LDLRAD4: variants seen among roughly 807,000 people sequenced by gnomAD.
The protein encoded by LDLRAD4 is low density lipoprotein receptor class A domain containing 4.
In LDLRAD4, 5 loss-of-function variants were observed where a neutral mutation model predicts 17.0. The observed-to-expected ratio is 0.29, with a 90% confidence interval of 0.15 to 0.62. The LOEUF is 0.62. LDLRAD4 is among the 20% of genes least tolerant of loss of function. The pLI is 0.84. For synonymous variants in LDLRAD4, 168 were observed against 171.8 expected, an observed-to-expected ratio of 0.98 and a Z score of 0.17; for missense variants, 340 against 424.7, an observed-to-expected ratio of 0.80 and a Z score of 1.75.
intron 2 of LDLRAD4, among the ~76,000 whole-genome samples, chr18:13,435,089 A>C (rs2090567393): frequency 6.6e-6 from 1 of 152,174 alleles, no homozygotes; most frequent in South Asian, 2.1e-4. Flanking sequence ...ATATCACAAT[A>C]ATCTCGTGAT....
At chr18:13,477,072 T>C (rs908622783) in intron 3 of LDLRAD4, among the ~76,000 whole-genome samples, 3 of 152,336 alleles carry the variant, frequency 2.0e-5, no homozygotes, top group Non-Finnish European at 2.9e-5. Context: ...ACTGAACTCA[T>C]GGTAATGAAT....
chr18:13,535,917 C>G (rs2094195346), intron 3 of LDLRAD4, among the ~76,000 whole-genome samples: 1 of 152,068 alleles, frequency 6.6e-6, no homozygotes, highest in Non-Finnish European at 1.5e-5. Flanking sequence ...CATCTTTTCC[C>G]CCATTGAATT....
At chr18:13,270,206 T>G (rs2043758041) in intron 1 of LDLRAD4, among the ~76,000 whole-genome samples, 1 of 151,764 alleles carries the variant, frequency 6.6e-6, no homozygotes, top group Non-Finnish European at 1.5e-5. Context: ...GTACAAAAAT[T>G]TTAAAAATTA....
At chr18:13,224,670 C>A (rs1034774552) in intron 1 of LDLRAD4, among the ~76,000 whole-genome samples, 1 of 151,368 alleles carries the variant, frequency 6.6e-6, no homozygotes, top group African/African-American at 2.4e-5. Context: ...TTAGTAGAGA[C>A]GGGGTTTCAG....
rs950257684 is a variant in LDLRAD4 at position 13,383,507 on chromosome 18, A to T, written c.-382-3834A>T. On this transcript the variant is annotated intron_variant, in intron 1 of 5. Transcript: ENST00000359446. ...GGCTGAGACTGGAAAGCTGAGTGGC[A>T]GCTCATGAGCAGGAGGCTCACGAGA... Among the ~76,000 whole-genome samples the T allele has an allele frequency of 3.9e-5, 6 of 152,228 alleles. No homozygotes were observed. The East Asian group carries it at 1.2e-3, about 29-fold the overall frequency.
At chr18:13,505,796 C>T (rs571651315) in intron 3 of LDLRAD4, among the ~76,000 whole-genome samples, 37 of 151,990 alleles carry the variant, frequency 2.4e-4, no homozygotes, top group Non-Finnish European at 1.0e-4. Flanking sequence ...CCAGTCTGGG[C>T]GACAGAGCAA....
chr18:13,543,514 G>A (rs2094315908), intron 3 of LDLRAD4: 1 of 152,204 alleles, frequency 6.6e-6, no homozygotes, highest in African/African-American at 2.4e-5. Flanking sequence ...TCCTGAAGGA[G>A]GTTTAACAAG....
chr18:13,543,857 G>C (rs1472711530), intron 3 of LDLRAD4, among the ~76,000 whole-genome samples: 1 of 152,254 alleles, frequency 6.6e-6, no homozygotes, highest in East Asian at 1.9e-4. Context: ...GGGGCTACCT[G>C]TTGAGCCCTA....
intron 1 of LDLRAD4, among the ~76,000 whole-genome samples, chr18:13,247,883 T>C (rs1658609134): frequency 6.6e-6 from 1 of 151,804 alleles, no homozygotes; most frequent in Admixed American, 6.6e-5. Context: ...AGTCATGATG[T>C]CCAGTTGAGA....
intron 3 of LDLRAD4, among the ~76,000 whole-genome samples, chr18:13,456,518 C>A (rs77739963): frequency 0.021 from 3,135 of 152,310 alleles, 184 homozygotes; most frequent in East Asian, 0.17. Context: ...ATTCCTCTAA[C>A]CCACATCATG....
At chr18:13,381,421 A>T (rs548848488) in intron 1 of LDLRAD4, among the ~76,000 whole-genome samples, 1 of 152,076 alleles carries the variant, frequency 6.6e-6, no homozygotes, top group Admixed American at 6.5e-5. Flanking sequence ...AGACATGGCC[A>T]TAGGGGACTT....
At position 13,645,955 on chromosome 18, in the gene LDLRAD4, A is replaced by C; in HGVS notation, c.*298A>C. 3.6e-6 allele frequency: 1 copy of C among 276,192 alleles called. No homozygotes were observed. The allele number at this position is 276,192 out of a possible 1,614,324, so 17.1% of individuals were successfully genotyped here. On this transcript the variant is annotated 3_prime_UTR_variant, in exon 6 of 6. Transcript: ENST00000359446. This position sits in a 1 kb window ranked among gnomAD's most constrained non-coding sequence, Gnocchi z 5.7. ...ATGCTTTGAAGATACCATGAAATAA[A>C]ACCCACAGAGGTATTTGATGTATTT...
At chr18:13,559,603 G>A (rs1216676736) in intron 3 of LDLRAD4, among the ~76,000 whole-genome samples, 1 of 152,028 alleles carries the variant, frequency 6.6e-6, no homozygotes, top group East Asian at 1.9e-4. Context: ...TATACATATA[G>A]AAATGCAAGT....
intron 1 of LDLRAD4, among the ~76,000 whole-genome samples, chr18:13,258,235 T>C (rs1037746771): frequency 6.6e-6 from 1 of 152,242 alleles, no homozygotes; most frequent in African/African-American, 2.4e-5. Flanking sequence ...AAATTCTAAA[T>C]AATCAGACAC....
intron 4 of LDLRAD4, among the ~76,000 whole-genome samples, chr18:13,639,248 G>A (rs1488900282): frequency 6.6e-6 from 1 of 152,226 alleles, no homozygotes; most frequent in Non-Finnish European, 1.5e-5. Flanking sequence ...CAGCTGTGTA[G>A]TGAGCCCCCT....
intron 2 of LDLRAD4, among the ~76,000 whole-genome samples, chr18:13,388,123 C>G (rs2085965698): frequency 6.6e-6 from 1 of 152,184 alleles, no homozygotes; most frequent in African/African-American, 2.4e-5. Context: ...CGGGAAGATT[C>G]TCCGAGGGAA....
intron 1 of LDLRAD4, among the ~76,000 whole-genome samples, chr18:13,322,156 A>G (rs1568005451): frequency 6.6e-6 from 1 of 151,854 alleles, no homozygotes; most frequent in Non-Finnish European, 1.5e-5. Flanking sequence ...TTTGAAAATT[A>G]CTTCTTTGTG....
intron 4 of LDLRAD4, among the ~76,000 whole-genome samples, chr18:13,624,540 C>T (rs1018263903): frequency 4.6e-5 from 7 of 152,206 alleles, no homozygotes; most frequent in Non-Finnish European, 8.8e-5. Context: ...GGCTAGGGGT[C>T]TGGCTGGCCG....
At chr18:13,540,770 G>A (rs1461078327) in intron 3 of LDLRAD4, among the ~76,000 whole-genome samples, 2 of 152,224 alleles carry the variant, frequency 1.3e-5, no homozygotes, top group Non-Finnish European at 2.9e-5. Flanking sequence ...AGCAAGATCT[G>A]GTGTGAAATG....
Sources: allele counts gnomAD v4.1 joint callset (sites outside exome capture counted in the v4.1 genomes callset), GRCh38; gene constraint gnomAD v4.1.1; non-coding constraint Gnocchi (gnomAD v3.1); transcripts MANE v1.5; gene names NCBI Gene and HGNC (gene_info 2026-07-23, HGNC 2026-07-21).